The following VPS26A variants were observed in gnomAD, a reference collection of about 807,000 sequenced individuals.
VPS26A encodes VPS26 retromer complex component A, also known as vacuolar protein sorting-associated protein 26A.
VPS26A carries 22 observed loss-of-function variants against 42.4 expected under a neutral mutation model. The ratio of observed to expected loss-of-function variants is 0.52; its 90% CI spans 0.37 to 0.74. VPS26A has a LOEUF of 0.74. VPS26A is among the 30% of genes least tolerant of loss of function. The pLI, the probability that VPS26A is intolerant of heterozygous loss-of-function variation, is 0.00. For synonymous variants in VPS26A, 110 were observed against 123.5 expected (o/e 0.89, Z 0.73); for missense variants, 276 against 379.2 (o/e 0.73, Z 2.26).
At chr10:69,140,819 T>C (rs1312435163) in intron 2 of VPS26A, among the ~76,000 whole-genome samples, 1 of 152,222 alleles carries the variant, frequency 6.6e-6, no homozygotes, top group African/African-American at 2.4e-5. Context: ...TTAGCTCTTA[T>C]TCTCAGATTG....
At chr10:69,127,301 T>G (rs116606925) in intron 1 of VPS26A, among the ~76,000 whole-genome samples, 5,787 of 149,506 alleles carry the variant, frequency 0.039, 365 homozygotes, top group African/African-American at 0.13. Flanking sequence ...TGGTCGGGCG[T>G]GGTGCACTTT....
chr10:69,164,264 C>T (rs1049962771), intron 6 of VPS26A, among the ~76,000 whole-genome samples: 5 of 151,064 alleles, frequency 3.3e-5, no homozygotes, highest in Non-Finnish European at 2.9e-5. Context: ...GTCACCCAGG[C>T]TGGAGTGCAA....
intron 7 of VPS26A, among the ~76,000 whole-genome samples, chr10:69,167,165 C>T (rs1841706766): frequency 6.7e-6 from 1 of 150,154 alleles, no homozygotes; most frequent in Non-Finnish European, 1.5e-5. Context: ...CGTGGTGGCT[C>T]ACGCCTGTAA....
intron 6 of VPS26A, among the ~76,000 whole-genome samples, chr10:69,164,338 G>A (rs554341347): frequency 6.6e-5 from 10 of 151,682 alleles, no homozygotes; most frequent in African/African-American, 1.2e-4. Flanking sequence ...CAACCTCAGC[G>A]TTGTGGGTAG....
intron 4 of VPS26A, among the ~76,000 whole-genome samples, chr10:69,157,688 C>A (rs985281229): frequency 6.6e-5 from 10 of 152,176 alleles, no homozygotes; most frequent in African/African-American, 2.4e-4. Flanking sequence ...GGTCCGAGAT[C>A]TTGCTTTCTC....
intron 5 of VPS26A, among the ~76,000 whole-genome samples, chr10:69,159,247 G>A (rs1354165105): frequency 1.3e-5 from 2 of 151,988 alleles, no homozygotes; most frequent in Non-Finnish European, 2.9e-5. Context: ...TGGGTGTGGC[G>A]GTGCATGCCT....
Position 69,147,180 on chromosome 10 carries a change from T to A in VPS26A, c.154-8632T>A, listed in dbSNP as rs949617675. On this transcript the variant is annotated intron_variant, in intron 2 of 8. Transcript: ENST00000263559. Reference sequence around the variant, plus strand: ...CCCCAGTGAGTAATAATATTGAACATCTTTTCATGTGCTTATTGCCATATG... The same window carrying A: ...CCCCAGTGAGTAATAATATTGAACAACTTTTCATGTGCTTATTGCCATATG... 2.6e-5 allele frequency among the ~76,000 whole-genome samples: 4 copies of A among 152,226 alleles called. No homozygotes were observed. In the East Asian group the frequency reaches 7.7e-4, roughly 29 times the overall value.
At chr10:69,126,049 G>A (rs1388946794) in intron 1 of VPS26A, among the ~76,000 whole-genome samples, 1 of 152,208 alleles carries the variant, frequency 6.6e-6, no homozygotes, top group African/African-American at 2.4e-5. Context: ...TTGCAGTCCA[G>A]TTATTTAAAA....
intron 1 of VPS26A, among the ~76,000 whole-genome samples, chr10:69,124,579 C>T (rs569122572): frequency 2.8e-4 from 43 of 152,304 alleles, no homozygotes; most frequent in African/African-American, 1.0e-3. Flanking sequence ...GACCCCGCCT[C>T]TGCGGGGGCT....
intron 5 of VPS26A, among the ~76,000 whole-genome samples, chr10:69,160,613 G>A (rs148456630): frequency 0.017 from 2,601 of 151,864 alleles, 66 homozygotes; most frequent in African/African-American, 0.059. Context: ...CACCACGCCC[G>A]GCTAATTTTT....
At chr10:69,148,754 A>ATT (rs34136399) in intron 2 of VPS26A, among the ~76,000 whole-genome samples, 7,285 of 133,642 alleles carry the variant, frequency 0.055, 252 homozygotes, top group South Asian at 0.12. Context: ...AGCAGAGAGT[A>ATT]TTTTTTTTTT....
At chr10:69,127,860 C>A (rs1474346564) in intron 1 of VPS26A, among the ~76,000 whole-genome samples, 1 of 149,700 alleles carries the variant, frequency 6.7e-6, no homozygotes, top group Non-Finnish European at 1.5e-5. Context: ...CTATGCTGGG[C>A]TAATTTTTTA....
intron 3 of VPS26A, among the ~76,000 whole-genome samples, chr10:69,156,206 C>T: frequency 6.6e-6 from 1 of 151,496 alleles, no homozygotes; most frequent in South Asian, 2.1e-4. Flanking sequence ...GCAGCCTCAC[C>T]TTCATTCTTC....
intron 1 of VPS26A, among the ~76,000 whole-genome samples, chr10:69,128,066 CAT>C (rs35812064): frequency 0.041 from 6,304 of 151,938 alleles, 453 homozygotes; most frequent in African/African-American, 0.14. Flanking sequence ...TAGTTTTTCA[CAT>C]ATTTTTAATG....
intron 1 of VPS26A, among the ~76,000 whole-genome samples, chr10:69,132,211 A>G (rs926829660): frequency 2.6e-5 from 4 of 152,220 alleles, no homozygotes; most frequent in African/African-American, 9.6e-5. Flanking sequence ...ATAAAAGTAT[A>G]AATAAAGGTA....
At chr10:69,141,956 T>C (rs543412963) in intron 2 of VPS26A, among the ~76,000 whole-genome samples, 1 of 152,286 alleles carries the variant, frequency 6.6e-6, no homozygotes, top group South Asian at 2.1e-4. Flanking sequence ...CGATCTTGGC[T>C]CACTGCAACC....
intron 2 of VPS26A, among the ~76,000 whole-genome samples, chr10:69,145,152 C>T (rs1841128973): frequency 9.2e-6 from 1 of 108,774 alleles, no homozygotes; most frequent in Non-Finnish European, 2.2e-5. Context: ...TCTCCTGCCT[C>T]AGCCTCCTGA....
rs869048277 is a variant in VPS26A, at chr10:69,149,734, G to GTTTTTTT, written c.154-6054_154-6048dup. On this transcript the variant is annotated intron_variant, in intron 2 of 8. Transcript: ENST00000263559. ...AATGTTAACTTTCTTGGTGTTTTTT[G>GTTTTTTT]TTTTTTTTTTTTTTTTTTTTTTTTT... 3.8e-3 allele frequency among the ~76,000 whole-genome samples: 82 copies of GTTTTTTT among 21,366 alleles called. 1 individual carries two copies. The highest frequency in any genetic ancestry group is 6.2e-3 in the African/African-American group (68 of 10,976). The allele number at this position is 21,366 out of a possible 152,430, so 14.0% of individuals were successfully genotyped here.
chr10:69,124,876 G>C (rs1840616583), intron 1 of VPS26A, among the ~76,000 whole-genome samples: 1 of 152,200 alleles, frequency 6.6e-6, no homozygotes, highest in Admixed American at 6.5e-5. Context: ...AGAGACACCC[G>C]TTTGGTGCCC....
Sources: allele counts gnomAD v4.1 joint callset (sites outside exome capture counted in the v4.1 genomes callset), GRCh38; gene constraint gnomAD v4.1.1; transcripts MANE v1.5; gene names NCBI Gene and HGNC (gene_info 2026-07-23, HGNC 2026-07-21).